The following MGAT3 variants were observed in gnomAD, a reference collection of about 807,000 sequenced individuals.
MGAT3 encodes the protein beta-1,4-mannosyl-glycoprotein 4-beta-N-acetylglucosaminyltransferase, also known as GlcNAc-T III.
Under a neutral mutation model 29.8 loss-of-function variants are expected in MGAT3, and 9 were observed. That is an observed-to-expected ratio of 0.30 (90% confidence interval 0.18 to 0.53). The LOEUF is 0.53. Among genes scored for constraint, MGAT3 ranks in the 20% least tolerant of loss-of-function variants. The probability of loss-of-function intolerance (pLI) is 0.96; values close to 1 mark genes in which losing one functional copy is unlikely to be tolerated. For missense variants in MGAT3, 557 were observed against 769.5 expected (o/e 0.72, Z 3.27); for synonymous variants, 397 against 348.9 (o/e 1.14, Z -1.54).
intron 1 of MGAT3, among the ~76,000 whole-genome samples, chr22:39,458,464 G>T (rs186044773): frequency 9.3e-4 from 142 of 152,208 alleles, no homozygotes; most frequent in East Asian, 7.6e-3. Context: ...CTTGATGGGG[G>T]AGTTGTGAGC....
At position 39,488,046 on chromosome 22, in the gene MGAT3, C is replaced by T. The variant is rs1293961649; in HGVS notation, c.699C>T (p.Asp233=). 5 of 1,613,258 alleles carry T rather than the reference C, an allele frequency of 3.1e-6. No homozygotes were observed. The highest frequency in any genetic ancestry group is 2.2e-5 in the East Asian group (1 of 44,870). Residue 233 remains aspartate (D), a synonymous_variant, in exon 2 of 2, where the codon GAC becomes GAT. Coordinates refer to ENST00000341184, the MANE Select transcript of MGAT3 (RefSeq NM_002409.5). ...VRFHELGDVV[D]AFVVCESNFT... ...TCCACGAGCTGGGCGACGTGGTGGA[C>T]GCCTTTGTGGTGTGCGAGTCCAACT...
Position 39,457,380 on chromosome 22 carries a change from G to C in MGAT3, c.-179G>C, listed in dbSNP as rs1401318364. 7.0e-6 allele frequency: 1 copy of C among 143,208 alleles called. No homozygotes were observed. Among genetic ancestry groups the C allele is most frequent in the Admixed American group, 6.9e-5 (1 of 14,500 alleles). 8.9% of individuals were successfully genotyped at this position (143,208 alleles called of 1,614,324 possible). A position where few individuals can be genotyped will look rare whatever the true frequency, so the allele number is the denominator to read the frequency against. ...GTGGGGGTGGGGGGAGGGGATCGGGGCCGGGCCGGGGCCGCGCTGCCTGCG... is the reference window on the plus strand; with the variant it reads ...GTGGGGGTGGGGGGAGGGGATCGGGCCCGGGCCGGGGCCGCGCTGCCTGCG... On this transcript the variant is annotated 5_prime_UTR_variant, in exon 1 of 2. Transcript: ENST00000341184. This position sits in a 1 kb window ranked among gnomAD's most constrained non-coding sequence, Gnocchi z 6.8.
chr22:39,477,373 G>A (rs1928995192), intron 1 of MGAT3: 1 of 152,204 alleles, frequency 6.6e-6, no homozygotes, highest in South Asian at 2.1e-4. Flanking sequence ...GGCCCTACAG[G>A]CTGAGGGTGC....
Position 39,488,577 on chromosome 22 carries a change from C to A in MGAT3, c.1230C>A (p.Ser410Arg). 1 of 1,613,190 alleles carries A rather than the reference C, an allele frequency of 6.2e-7. No homozygotes were observed. The highest frequency in any genetic ancestry group is 8.5e-7 in the Non-Finnish European group (1 of 1,180,016). Residue 410 changes from serine to arginine, a missense_variant, in exon 2 of 2, where the codon AGC becomes AGA. This residue lies in a region of MGAT3 where 243 missense variants were observed against 444.0 expected (regional missense o/e 0.55). Coordinates refer to ENST00000341184, the MANE Select transcript of MGAT3 (RefSeq NM_002409.5). ...TCCTGGTGCAGTGGTCGCTGGGCAGCCCCCTGCACTTCGCCGGCTGGCACT... is the reference window on the plus strand; with the variant it reads ...TCCTGGTGCAGTGGTCGCTGGGCAGACCCCTGCACTTCGCCGGCTGGCACT... ...GHILVQWSLG[S>R]PLHFAGWHCS...
intron 1 of MGAT3, among the ~76,000 whole-genome samples, chr22:39,483,689 A>G (rs756278071): frequency 1.3e-5 from 2 of 152,122 alleles, no homozygotes; most frequent in African/African-American, 2.4e-5. Context: ...GTCCAGCCCA[A>G]CTGGTCTCAC....
rs1034270663 is a variant in MGAT3 at position 39,490,214 on chromosome 22, A to T, written c.*1265A>T. On this transcript the variant is annotated 3_prime_UTR_variant, in exon 2 of 2. Transcript: ENST00000341184. ...GTACACAGCGGCTGCTCCAGCGCCC[A>T]CCCTCCTGTGTGCATCCAAGCCTGG... 1 of 166,868 alleles carries T rather than the reference A, an allele frequency of 6.0e-6. No homozygotes were observed. The highest frequency in any genetic ancestry group is 2.4e-5 in the African/African-American group (1 of 41,294). The allele number at this position is 166,868 out of a possible 1,614,324, so 10.3% of individuals were successfully genotyped here. A position where few individuals can be genotyped will look rare whatever the true frequency, so the allele number is the denominator to read the frequency against.
At chr22:39,473,822 T>G (rs1928877156) in intron 1 of MGAT3, among the ~76,000 whole-genome samples, 1 of 66,720 alleles carries the variant, frequency 1.5e-5, no homozygotes, top group Non-Finnish European at 3.0e-5. Flanking sequence ...GGATGGAAGT[T>G]AAGGGGAGGA....
rs201796091 is a variant in MGAT3 at position 39,467,828 on chromosome 22, A to T, written c.-2+10271A>T. Among the ~76,000 whole-genome samples the T allele has an allele frequency of 1.0e-3, 153 of 151,086 alleles. 2 individuals are homozygous for T. The East Asian group carries it at 0.024, about 24-fold the overall frequency. ...CAGTCTCAAAAAAAAAAAAAAAAAA[A>T]AGAGGTAGAACCTTCAGATGCAGAC... is the stretch of plus-strand genomic sequence containing the variant. On this transcript the variant is annotated intron_variant, in intron 1 of 1. Transcript: ENST00000341184.
chr22:39,487,645 C>A lies in MGAT3; in HGVS notation c.298C>A (p.Leu100Met), dbSNP rs1242584173. 1 of 1,610,712 alleles carries A rather than the reference C, an allele frequency of 6.2e-7. No homozygotes were observed. The highest frequency in any genetic ancestry group is 2.2e-5 in the East Asian group (1 of 44,848). The stretch of plus-strand genomic sequence containing the variant: ...GGAGCTCCACCGGGTGGACTTGGTG[C>A]TGCCCGAGGACACCACCGAGTATTT... ...AEELHRVDLV[L>M]PEDTTEYFVR... The change falls in exon 2 of 2, where the codon CTG becomes ATG. Residue 100 changes from leucine to methionine, a missense_variant. Physicochemically the swap from Leu to Met is conservative, Grantham distance 15 (BLOSUM62 2). Coordinates refer to ENST00000341184, the MANE Select transcript of MGAT3 (RefSeq NM_002409.5). The surrounding 1 kb of genome is among the most constrained non-coding windows in gnomAD (Gnocchi z 5.7).
In MGAT3 at chr22:39,487,866, C is replaced by T. The variant is rs942085886; in HGVS notation, c.519C>T (p.Cys173=). 6.4e-7 allele frequency: 1 copy of T among 1,556,302 alleles called. No homozygotes were observed. Among genetic ancestry groups the T allele is most frequent in the African/African-American group, 1.4e-5 (1 of 74,014 alleles). ...GGCGCAAGTGGGTGGAGTGCGTGTGCCTGCCCGGCTGGCACGGACCCAGCT... is the reference window on the plus strand; with the variant it reads ...GGCGCAAGTGGGTGGAGTGCGTGTGTCTGCCCGGCTGGCACGGACCCAGCT... The part of the protein sequence containing the change: ...GARRKWVECV[C]LPGWHGPSCG... Residue 173 remains cysteine, a synonymous_variant, in exon 2 of 2, where the codon TGC becomes TGT. Coordinates refer to ENST00000341184, the MANE Select transcript of MGAT3 (RefSeq NM_002409.5). The surrounding 1 kb of genome is among the most constrained non-coding windows in gnomAD (Gnocchi z 5.7).
intron 1 of MGAT3, among the ~76,000 whole-genome samples, chr22:39,475,591 CT>C (rs1432720583): frequency 1.3e-5 from 2 of 152,234 alleles, no homozygotes; most frequent in East Asian, 1.9e-4. Flanking sequence ...TGCCCCGCCC[CT>C]GGCCCTCCCC....
intron 1 of MGAT3, among the ~76,000 whole-genome samples, chr22:39,486,623 C>G (rs982803511): frequency 1.3e-5 from 2 of 152,178 alleles, no homozygotes; most frequent in Non-Finnish European, 2.9e-5. Context: ...ACCTCAGCCT[C>G]CTAAGTAGCT....
Position 39,487,683 on chromosome 22 carries a change from G to T in MGAT3, c.336G>T (p.Lys112Asn). Residue 112 changes from lysine to asparagine, a missense_variant, in exon 2 of 2, where the codon AAG becomes AAT. Around this residue, in one of 3 missense-constraint regions of MGAT3, gnomAD observed 212 missense variants for 228.5 expected, o/e 0.93. Transcript: ENST00000341184. The surrounding 1 kb of genome is among the most constrained non-coding windows in gnomAD (Gnocchi z 5.7). Reference protein sequence around the residue: ...EDTTEYFVRTKAGGVCFKPGT... With the variant: ...EDTTEYFVRTNAGGVCFKPGT... ...CCACCGAGTATTTCGTGCGCACCAAGGCCGGCGGCGTCTGCTTCAAACCCG... is the reference window on the plus strand; with the variant it reads ...CCACCGAGTATTTCGTGCGCACCAATGCCGGCGGCGTCTGCTTCAAACCCG... 1 of 1,597,998 alleles carries T rather than the reference G, an allele frequency of 6.3e-7. No homozygotes were observed. The highest frequency in any genetic ancestry group is 1.1e-5 in the South Asian group (1 of 89,558).
chr22:39,475,128 C>CTTTTTTTTTTTTTTTTTTTTTTT (rs58543840), intron 1 of MGAT3, among the ~76,000 whole-genome samples: 1 of 118,796 alleles, frequency 8.4e-6, no homozygotes, highest in African/African-American at 3.7e-5. Context: ...GCTTGCCAGG[C>CTTTTTTTTTTTTTTTTTTTTTTT]TTTTTTTTTT....
At chr22:39,473,066 A>G (rs1053705058) in intron 1 of MGAT3, among the ~76,000 whole-genome samples, 3 of 152,120 alleles carry the variant, frequency 2.0e-5, no homozygotes, top group Non-Finnish European at 4.4e-5. Context: ...TCTGTGAAAT[A>G]GCAGTGGGAG....
chr22:39,474,793 T>C (rs918775845), intron 1 of MGAT3, among the ~76,000 whole-genome samples: 3 of 152,262 alleles, frequency 2.0e-5, no homozygotes, highest in African/African-American at 7.2e-5. Flanking sequence ...ACTTCTGGCC[T>C]GGCCTGTTCC....
intron 1 of MGAT3, among the ~76,000 whole-genome samples, chr22:39,460,595 C>A (rs111532005): frequency 7.7e-4 from 117 of 152,226 alleles, no homozygotes; most frequent in African/African-American, 2.7e-3. Flanking sequence ...GTCAGGAGTT[C>A]AAGACCAGCC....
At position 39,487,468 on chromosome 22, in the gene MGAT3, C is replaced by T. The variant is rs1216606634; in HGVS notation, c.121C>T (p.Leu41Phe). The change falls in exon 2 of 2, where the codon CTC becomes TTC. Residue 41 changes from leucine to phenylalanine, a missense_variant. By Grantham distance (22) the Leu-to-Phe change is conservative. Around this residue, in one of 3 missense-constraint regions of MGAT3, gnomAD observed 212 missense variants for 228.5 expected, o/e 0.93. Coordinates refer to ENST00000341184, the MANE Select transcript of MGAT3 (RefSeq NM_002409.5). The surrounding 1 kb of genome is among the most constrained non-coding windows in gnomAD (Gnocchi z 5.7). The stretch of plus-strand genomic sequence containing the variant: ...CACCTTCCCCCGAGAACTGGCCTCC[C>T]TCAGCCCTAACCTGGTGTCCAGCTT... ...YVTFPRELAS[L>F]SPNLVSSFFW... 6.2e-7 allele frequency: 1 copy of T among 1,613,840 alleles called. No homozygotes were observed. The highest frequency in any genetic ancestry group is 1.7e-5 in the Admixed American group (1 of 60,028).
At chr22:39,473,992 T>G (rs1984662) in intron 1 of MGAT3, among the ~76,000 whole-genome samples, 90,515 of 151,524 alleles carry the variant, frequency 0.6, 28,290 homozygotes, top group East Asian at 0.99. Context: ...CACCTTGGAG[T>G]TTTCCTGACT....
Sources: allele counts gnomAD v4.1 joint callset (sites outside exome capture counted in the v4.1 genomes callset), GRCh38; gene constraint gnomAD v4.1.1; regional missense constraint gnomAD v4.1.1; non-coding constraint Gnocchi (gnomAD v3.1); transcripts MANE v1.5; gene names NCBI Gene and HGNC (gene_info 2026-07-23, HGNC 2026-07-21).